The following GATA4 variants were observed in gnomAD, a reference collection of about 807,000 sequenced individuals.
GATA4 encodes GATA binding protein 4.
A neutral mutation model predicts 37.9 loss-of-function variants in GATA4; 7 were observed. The ratio of observed to expected loss-of-function variants is 0.18; its 90% CI spans 0.11 to 0.35. The LOEUF is 0.35. Ranked by LOEUF, GATA4 falls within the 10% of genes least tolerant of loss-of-function variation. The pLI, the probability that GATA4 is intolerant of heterozygous loss-of-function variation, is 1.00. For missense variants in GATA4, 647 were observed against 653.0 expected (o/e 0.99, Z 0.10); for synonymous variants, 372 against 292.6 (o/e 1.27, Z -2.77).
chr8:11,677,058 C>G (rs889778423), exon 1 of GATA4: 2 of 152,700 alleles, frequency 1.3e-5, no homozygotes, highest in African/African-American at 4.8e-5. Context: ...CCGCTCCCCA[C>G]CGCGGGTGAG....
At chr8:11,751,513 G>C (rs1802302576) in intron 4 of GATA4, among the ~76,000 whole-genome samples, 1 of 152,136 alleles carries the variant, frequency 6.6e-6, no homozygotes, top group Non-Finnish European at 1.5e-5. Flanking sequence ...TACCCCCTTG[G>C]TACCTTAGAC....
At chr8:11,702,610 C>T (rs1007745901), upstream of GATA4, among the ~76,000 whole-genome samples, 3 of 150,764 alleles carry the variant, frequency 2.0e-5, no homozygotes, top group South Asian at 4.3e-4. The surrounding 1 kb of genome is among the most constrained non-coding windows in gnomAD (Gnocchi z 4.4). Flanking sequence ...TCCCCAGCAC[C>T]CCTTCAGCCT....
Position 11,685,196 on chromosome 8 carries a change from C to T in GATA4, c.-274+8133C>T, listed in dbSNP as rs549907137. ...TTACACGATCATTAAATTATGTTTTCTTAAGATATTCAATGACATGGGAAG... is the reference window on the plus strand; with the variant it reads ...TTACACGATCATTAAATTATGTTTTTTTAAGATATTCAATGACATGGGAAG... On this transcript the variant is annotated intron_variant, in intron 1 of 6. Coordinates refer to the GATA4 transcript ENST00000528712. Among the ~76,000 whole-genome samples the T allele has an allele frequency of 1.2e-3, 188 of 152,292 alleles. 1 individual carries two copies. Among genetic ancestry groups the T allele is most frequent in the Non-Finnish European group, 2.1e-3 (146 of 68,020 alleles).
intron 2 of GATA4, among the ~76,000 whole-genome samples, chr8:11,743,848 C>T (rs575785546): frequency 7.9e-5 from 12 of 152,278 alleles, no homozygotes; most frequent in African/African-American, 1.4e-4. Flanking sequence ...TGCACCGGCT[C>T]GCTGAGAAAT....
Position 11,708,843 on chromosome 8 carries a change from C to T in GATA4, c.531C>T (p.Ala177=). The T allele has an allele frequency of 6.7e-7, 1 of 1,498,040 alleles. No homozygotes were observed. Among genetic ancestry groups the T allele is most frequent in the Non-Finnish European group, 8.8e-7 (1 of 1,131,544 alleles). 92.8% of individuals were successfully genotyped at this position (1,498,040 alleles called of 1,614,324 possible). ...ADVGASWAAA[A]AASAGPFDSP... Reference sequence around the variant, plus strand: ...TGGGCGCGTCCTGGGCCGCAGCCGCCGCCGCCTCCGCCGGCCCCTTCGACA... The same window carrying T: ...TGGGCGCGTCCTGGGCCGCAGCCGCTGCCGCCTCCGCCGGCCCCTTCGACA... The change falls in exon 2 of 7, where the codon GCC becomes GCT. Residue 177 remains alanine (A), a synonymous_variant. Coordinates refer to ENST00000532059, the MANE Select transcript of GATA4 (RefSeq NM_001308093.3). The surrounding 1 kb of genome is among the most constrained non-coding windows in gnomAD (Gnocchi z 6.7).
intron 2 of GATA4, among the ~76,000 whole-genome samples, chr8:11,747,275 G>C (rs1802078732): frequency 6.6e-6 from 1 of 152,180 alleles, no homozygotes; most frequent in South Asian, 2.1e-4. Flanking sequence ...AGACTACGGG[G>C]AGCAAGAAAA....
upstream of GATA4, among the ~76,000 whole-genome samples, chr8:11,689,643 T>G (rs2129969224): frequency 6.6e-6 from 1 of 152,310 alleles, no homozygotes; most frequent in South Asian, 2.1e-4. Flanking sequence ...GACTGCGGTT[T>G]TGAATGTCTA....
At chr8:11,734,542 A>G (rs2130225970) in intron 2 of GATA4, among the ~76,000 whole-genome samples, 1 of 152,242 alleles carries the variant, frequency 6.6e-6, no homozygotes, top group South Asian at 2.1e-4. Flanking sequence ...GCTGGAATGC[A>G]ATGGCGCAAC....
intron 2 of GATA4, among the ~76,000 whole-genome samples, chr8:11,733,135 G>T (rs1801289159): frequency 6.6e-6 from 1 of 151,890 alleles, no homozygotes; most frequent in African/African-American, 2.4e-5. Context: ...TTTACTGAAG[G>T]GCATAAAAGA....
chr8:11,702,086 G>A (rs1799695097), upstream of GATA4, among the ~76,000 whole-genome samples: 2 of 152,266 alleles, frequency 1.3e-5, no homozygotes, highest in South Asian at 4.1e-4. The surrounding 1 kb of genome is among the most constrained non-coding windows in gnomAD (Gnocchi z 4.4). Context: ...GGATGGGGAG[G>A]GCGAGGGTGA....
chr8:11,757,008 C>G lies in GATA4; in HGVS notation c.1074C>G (p.Ser358Arg). Residue 358 changes from serine to arginine, a missense_variant, in exon 6 of 7, where the codon AGC (serine) becomes AGG (arginine). Physicochemically the swap from Ser to Arg is moderately radical, Grantham distance 110. This residue lies in a region of GATA4 where 184 missense variants were observed against 157.1 expected (regional missense o/e 1.17). Transcript: ENST00000532059. ...ACTCCAGCAACGCCACCACCAGCAG[C>G]AGCGAGGAGATGCGTCCCATCAAGA... ...SSNSSNATTSSSEEMRPIKTE... is the reference protein window; with the variant it reads ...SSNSSNATTSRSEEMRPIKTE... The G allele has an allele frequency of 1.2e-6, 2 of 1,614,264 alleles. No homozygotes were observed. Among genetic ancestry groups the G allele is most frequent in the Admixed American group, 3.3e-5 (2 of 60,036 alleles).
chr8:11,708,797 A>G lies in GATA4; in HGVS notation c.485A>G (p.Tyr162Cys). The G allele has an allele frequency of 3.4e-6, 5 of 1,475,018 alleles. No homozygotes were observed. The highest frequency in any genetic ancestry group is 4.5e-6 in the Non-Finnish European group (5 of 1,120,294). The allele number at this position is 1,475,018 out of a possible 1,614,324, so 91.4% of individuals were successfully genotyped here. Residue 162 changes from tyrosine to cysteine, a missense_variant, in exon 2 of 7, where the codon TAC becomes TGC. By Grantham distance (194) the Tyr-to-Cys change is radical (BLOSUM62 -2). Coordinates refer to ENST00000532059, the MANE Select transcript of GATA4 (RefSeq NM_001308093.3). The surrounding 1 kb of genome is among the most constrained non-coding windows in gnomAD (Gnocchi z 6.7). ...AGFAGSYSSP[Y>C]PAYMADVGAS... ...TTCGCGGGCTCCTACTCCAGCCCCTACCCGGCTTACATGGCCGACGTGGGC... is the reference window on the plus strand; with the variant it reads ...TTCGCGGGCTCCTACTCCAGCCCCTGCCCGGCTTACATGGCCGACGTGGGC...
At chr8:11,738,889 G>T (rs1189122740) in intron 2 of GATA4, among the ~76,000 whole-genome samples, 7 of 152,212 alleles carry the variant, frequency 4.6e-5, no homozygotes, top group African/African-American at 1.7e-4. Context: ...TCCAGGACCA[G>T]TGCCAGACTT....
At chr8:11,690,255 C>G (rs1290920976), upstream of GATA4, among the ~76,000 whole-genome samples, 1 of 152,244 alleles carries the variant, frequency 6.6e-6, no homozygotes, top group African/African-American at 2.4e-5. Context: ...AGCCACAGCC[C>G]TGATACCACA....
intron 4 of GATA4, 81 bp from the exon 5 acceptor site, chr8:11,754,965 C>G (rs996822975): frequency 1.2e-5 from 14 of 1,123,788 alleles, no homozygotes; most frequent in African/African-American, 6.2e-5. Context: ...GTTGCCTTCT[C>G]GCAGCAGGTG....
intron 1 of GATA4, among the ~76,000 whole-genome samples, chr8:11,693,566 G>C (rs199843534): frequency 0.03 from 2,724 of 91,306 alleles, 42 homozygotes; most frequent in East Asian, 0.13. Flanking sequence ...CACACACAGA[G>C]AGAGAGAGAG....
chr8:11,715,081 T>C (rs1415152102), intron 2 of GATA4, among the ~76,000 whole-genome samples: 1 of 152,204 alleles, frequency 6.6e-6, no homozygotes, highest in African/African-American at 2.4e-5. Context: ...ATACAAACCA[T>C]AAGCTATGTA....
chr8:11,692,359 A>C (rs181519956), upstream of GATA4, among the ~76,000 whole-genome samples: 674 of 152,294 alleles, frequency 4.4e-3, 6 homozygotes, highest in Non-Finnish European at 5.1e-3. Context: ...ACGTACAAAA[A>C]ATTTCACGCA....
At chr8:11,678,012 AAATAATAATAATAATAAT>A (rs148395155) in intron 1 of GATA4, among the ~76,000 whole-genome samples, 2,751 of 141,948 alleles carry the variant, frequency 0.019, 86 homozygotes, top group South Asian at 0.093. Context: ...GGCTGAGTCA[AAATAATAATAATAATAAT>A]AATAATAATA....
Sources: gnomAD v4.1 joint callset for allele counts (sites outside exome capture counted in the v4.1 genomes callset) on GRCh38, gnomAD v4.1.1 for gene constraint, gnomAD v4.1.1 regional missense constraint, Gnocchi (gnomAD v3.1) non-coding constraint, MANE v1.5 for transcripts, NCBI Gene and HGNC (gene_info 2026-07-23, HGNC 2026-07-21) for gene names.